ADGRL3: variants seen among roughly 807,000 people sequenced by gnomAD.
ADGRL3 encodes the protein adhesion G protein-coupled receptor L3.
In ADGRL3, 62 loss-of-function variants were observed where a neutral mutation model predicts 153.5. That is an observed-to-expected ratio of 0.40 (90% confidence interval 0.33 to 0.50). ADGRL3 has a LOEUF of 0.50. Ranked by LOEUF, ADGRL3 falls within the 20% of genes least tolerant of loss-of-function variation. The pLI, the probability that ADGRL3 is intolerant of heterozygous loss-of-function variation, is 0.47. For missense variants in ADGRL3, 1,641 were observed against 1,859.4 expected (o/e 0.88, Z 2.16); for synonymous variants, 710 against 672.5 (o/e 1.06, Z -0.86).
chr4:61,211,843 C>T (rs1182716204), intron 1 of ADGRL3: 1 of 152,216 alleles, frequency 6.6e-6, no homozygotes, highest in East Asian at 1.9e-4. Flanking sequence ...CCATTTCTAT[C>T]CTACAGTGGT....
At chr4:61,830,127 T>C (rs1363815995) in intron 9 of ADGRL3, among the ~76,000 whole-genome samples, 1 of 152,068 alleles carries the variant, frequency 6.6e-6, no homozygotes, top group Non-Finnish European at 1.5e-5. Context: ...CTCCTACCTC[T>C]GCCTCCCAAG....
chr4:61,495,594 A>G (rs911546278), intron 2 of ADGRL3, among the ~76,000 whole-genome samples: 4 of 152,086 alleles, frequency 2.6e-5, no homozygotes, highest in African/African-American at 9.7e-5. Flanking sequence ...AAAGGTGCTG[A>G]TTGTAAAAGA....
At chr4:61,235,070 G>A (rs1752309911) in intron 1 of ADGRL3, among the ~76,000 whole-genome samples, 1 of 152,128 alleles carries the variant, frequency 6.6e-6, no homozygotes, top group Non-Finnish European at 1.5e-5. Flanking sequence ...TTGTGCACAT[G>A]TAGATAACAG....
chr4:61,912,669 T>C (rs2098727110), intron 12 of ADGRL3, 50 bp from the exon 13 acceptor site: 1 of 1,542,150 alleles, frequency 6.5e-7, no homozygotes. Context: ...CTTCTGTCAC[T>C]AACTTGTTTT....
chr4:61,709,914 G>T (rs2151446313), intron 6 of ADGRL3, among the ~76,000 whole-genome samples: 1 of 152,188 alleles, frequency 6.6e-6, no homozygotes, highest in Non-Finnish European at 1.5e-5. Context: ...TTCTGGAAGG[G>T]GCTTGTGGGT....
At chr4:62,058,655 A>G (rs1170705019) in intron 25 of ADGRL3, among the ~76,000 whole-genome samples, 2 of 152,164 alleles carry the variant, frequency 1.3e-5, no homozygotes, top group East Asian at 1.9e-4. Context: ...TCACCATCGT[A>G]TGTATGTCTT....
intron 1 of ADGRL3, among the ~76,000 whole-genome samples, chr4:61,365,909 G>A (rs934654735): frequency 3.9e-5 from 6 of 152,258 alleles, no homozygotes; most frequent in African/African-American, 1.4e-4. Context: ...AATGATGAAA[G>A]GAGGAAAGAT....
chr4:61,751,213 TTATCAA>T (rs1343308121), intron 8 of ADGRL3, among the ~76,000 whole-genome samples: 1 of 152,216 alleles, frequency 6.6e-6, no homozygotes, highest in Non-Finnish European at 1.5e-5. Flanking sequence ...TTGCTTTAGT[TTATCAA>T]ATCAGAGCCT....
intron 2 of ADGRL3, among the ~76,000 whole-genome samples, chr4:61,428,973 T>C (rs1163461577): frequency 6.6e-6 from 1 of 152,006 alleles, no homozygotes; most frequent in Admixed American, 6.6e-5. Context: ...GTGTATCTTA[T>C]ATAATTATGG....
rs34199193 is a variant in ADGRL3 at position 61,353,600 on chromosome 4, A to ATTTT, written c.-239-29506_-239-29503dup. Among the ~76,000 whole-genome samples the ATTTT allele has an allele frequency of 1.8e-3, 216 of 118,792 alleles. 8 individuals carry two copies. The highest frequency in any genetic ancestry group is 4.1e-3 in the Admixed American group (40 of 9,832). The allele number at this position is 118,792 out of a possible 152,430, so 77.9% of individuals were successfully genotyped here. On this transcript the variant is annotated intron_variant, in intron 1 of 26. Coordinates refer to ENST00000683033, the MANE Select transcript of ADGRL3 (RefSeq NM_001387552.1). Reference sequence around the variant, plus strand: ...CACACCTGGCTAATTTTTTCTTTCAATTTTTTTTTTTTTTTTTTTTTGTAG... The same window carrying ATTTT: ...CACACCTGGCTAATTTTTTCTTTCAATTTTTTTTTTTTTTTTTTTTTTTTTGTAG...
At chr4:61,914,067 A>G (rs919214082) in intron 13 of ADGRL3, among the ~76,000 whole-genome samples, 10 of 152,162 alleles carry the variant, frequency 6.6e-5, no homozygotes, top group Admixed American at 2.6e-4. Flanking sequence ...TGATGAATAA[A>G]TGTTAGTACA....
At chr4:61,581,422 A>C (rs1401578137) in intron 4 of ADGRL3, among the ~76,000 whole-genome samples, 1 of 152,036 alleles carries the variant, frequency 6.6e-6, no homozygotes, top group Non-Finnish European at 1.5e-5. Flanking sequence ...TAATTTTGAG[A>C]ACAGGTAGAA....
intron 9 of ADGRL3, among the ~76,000 whole-genome samples, chr4:61,870,206 G>A (rs1046577901): frequency 4.0e-5 from 6 of 151,820 alleles, no homozygotes; most frequent in Middle Eastern, 3.2e-3. Flanking sequence ...ACTCAATGAG[G>A]GAAAGAATAG....
At chr4:61,915,713 T>C (rs2098742175) in intron 13 of ADGRL3, among the ~76,000 whole-genome samples, 1 of 152,192 alleles carries the variant, frequency 6.6e-6, no homozygotes, top group African/African-American at 2.4e-5. Context: ...CCTCTTAATG[T>C]AGATCATTAT....
intron 1 of ADGRL3, among the ~76,000 whole-genome samples, chr4:61,325,117 T>A (rs181375002): frequency 2.4e-4 from 37 of 152,114 alleles, no homozygotes; most frequent in African/African-American, 8.2e-4. Flanking sequence ...ATCGAGACCA[T>A]CCTGGCCCAC....
intron 1 of ADGRL3, among the ~76,000 whole-genome samples, chr4:61,240,315 C>T (rs7685833): frequency 0.16 from 24,658 of 151,966 alleles, 2,583 homozygotes; most frequent in African/African-American, 0.28. Context: ...CTATTAAAGT[C>T]CCCTTCTCGT....
At chr4:61,662,551 T>C (rs2094634238) in intron 5 of ADGRL3, among the ~76,000 whole-genome samples, 1 of 152,156 alleles carries the variant, frequency 6.6e-6, no homozygotes, top group Admixed American at 6.5e-5. Flanking sequence ...AGGTGGGGGC[T>C]GAGGGTAGCT....
intron 5 of ADGRL3, among the ~76,000 whole-genome samples, chr4:61,605,534 C>G (rs182496251): frequency 6.6e-6 from 1 of 152,194 alleles, no homozygotes; most frequent in East Asian, 1.9e-4. Context: ...AATATACACT[C>G]TAATTAATTA....
intron 1 of ADGRL3, among the ~76,000 whole-genome samples, chr4:61,353,895 A>C (rs2096108643): frequency 6.6e-6 from 1 of 152,106 alleles, no homozygotes; most frequent in Non-Finnish European, 1.5e-5. Flanking sequence ...TTTAAGTAAT[A>C]AAATTTACCA....
Sources: gnomAD v4.1 joint callset for allele counts (sites outside exome capture counted in the v4.1 genomes callset) on GRCh38, gnomAD v4.1.1 for gene constraint, MANE v1.5 for transcripts, NCBI Gene and HGNC (gene_info 2026-07-23, HGNC 2026-07-21) for gene names.